Variants in KCNA10 observed in about 807,000 individuals in gnomAD.
The protein encoded by KCNA10 is cyclic GMP gated potassium channel.
Under a neutral mutation model 21.4 loss-of-function variants are expected in KCNA10, and 16 were observed. The ratio of observed to expected loss-of-function variants is 0.75; its 90% CI spans 0.51 to 1.14. The LOEUF (loss-of-function observed/expected upper bound fraction) is 1.14, where lower values mean the gene tolerates loss of function less well. KCNA10 is among the 50% of genes most tolerant of loss of function. The pLI is 0.00. For synonymous variants in KCNA10, 276 were observed against 245.9 expected, an observed-to-expected ratio of 1.12 and a Z score of -1.15; for missense variants, 677 against 649.1, an observed-to-expected ratio of 1.04 and a Z score of -0.47.
In KCNA10 at chr1:110,518,005, G is replaced by A. The variant is rs2101233941; in HGVS notation, c.783C>T (p.Val261=). ...RDPNLNMSKT[V]LSQTMFTDPF... is the part of the protein sequence containing the mutation. ...GGTCGGTGAACATGGTCTGGGAGAG[G>A]ACTGTCTTGCTCATGTTGAGATTGG... Residue 261 remains valine, a synonymous_variant, in exon 1 of 1, where the codon GTC becomes GTT. Transcript: ENST00000369771. 1 of 1,613,938 alleles carries A rather than the reference G, an allele frequency of 6.2e-7. No individual in the cohort carries two copies. The highest frequency in any genetic ancestry group is 2.2e-5 in the East Asian group (1 of 44,858).
rs552769559 is a variant in KCNA10, at chr1:110,517,319, C to T, written c.1469G>A (p.Arg490Lys). The T allele has an allele frequency of 1.6e-5, 26 of 1,614,204 alleles. No homozygotes were observed. The African/African-American group carries it at 2.4e-4, about 15-fold the overall frequency. ...IERILNSVGSRMGSTDSLNKT... is the reference protein window; with the variant it reads ...IERILNSVGSKMGSTDSLNKT... ...ATTAAGAGAGTCTGTGCTGCCCATT[C>T]TTGAGCCTACACTGTTGAGGATTCT... The change falls in exon 1 of 1, where the codon AGA (arginine) becomes AAA (lysine). Residue 490 changes from arginine (R) to lysine (K), a missense_variant. Coordinates refer to ENST00000369771, the MANE Select transcript of KCNA10 (RefSeq NM_005549.2).
chr1:110,518,104 G>T lies in KCNA10; in HGVS notation c.684C>A (p.Ile228=). ...TCTCCAGGCAGAAGATGGTGATGGA[G>T]ATGACCACAACCAACACCGAGACCA... ...VAVVSVLVVV[I]SITIFCLETL... The change falls in exon 1 of 1, where the codon ATC becomes ATA. Residue 228 remains isoleucine, a synonymous_variant. Coordinates refer to ENST00000369771, the MANE Select transcript of KCNA10 (RefSeq NM_005549.2). 6.2e-7 allele frequency: 1 copy of T among 1,613,796 alleles called. No individual in the cohort carries two copies. The highest frequency in any genetic ancestry group is 1.7e-5 in the Admixed American group (1 of 60,002).
Position 110,517,663 on chromosome 1 carries a change from C to T in KCNA10, c.1125G>A (p.Leu375=). ...GQTLKASMRE[L]GLLIFFLFIG... ...TGAAGAGAAAGAAGATGAGCAACCC[C>T]AACTCCCGCATGGACGCCTTCAGTG... The change falls in exon 1 of 1, where the codon TTG becomes TTA. Residue 375 remains leucine (L), a synonymous_variant. Transcript: ENST00000369771. 1 of 1,614,156 alleles carries T rather than the reference C, an allele frequency of 6.2e-7. No individual in the cohort carries two copies. The highest frequency in any genetic ancestry group is 8.5e-7 in the Non-Finnish European group (1 of 1,180,032).
chr1:110,517,826 G>A lies in KCNA10; in HGVS notation c.962C>T (p.Thr321Ile), dbSNP rs770577436. The change falls in exon 1 of 1, where the codon ACA becomes ATA. Residue 321 changes from threonine to isoleucine, a missense_variant. Coordinates refer to ENST00000369771, the MANE Select transcript of KCNA10 (RefSeq NM_005549.2). Reference protein sequence around the residue: ...SIIPYFATLITELVQETEPSA... With the variant: ...SIIPYFATLIIELVQETEPSA... ...CGGCTCTGTCTCCTGGACTAGCTCT[G>A]TGATGAGAGTTGCAAAGTAGGGGAT... 8.7e-6 allele frequency: 14 copies of A among 1,614,166 alleles called. No homozygotes were observed. Among genetic ancestry groups the A allele is most frequent in the Non-Finnish European group, 1.2e-5 (14 of 1,180,030 alleles).
In KCNA10 at chr1:110,518,845, C is replaced by T. The variant is rs1483569637; in HGVS notation, c.-58G>A. 12 of 1,346,196 alleles carry T rather than the reference C, an allele frequency of 8.9e-6. No homozygotes were observed. Among genetic ancestry groups the T allele is most frequent in the Non-Finnish European group, 1.2e-5 (12 of 998,196 alleles). 83.4% of individuals were successfully genotyped at this position (1,346,196 alleles called of 1,614,324 possible). On this transcript the variant is annotated 5_prime_UTR_variant, in exon 1 of 1. Coordinates refer to ENST00000369771, the MANE Select transcript of KCNA10 (RefSeq NM_005549.2). ...CTCAGCCTTCACTGCCTGCTGTGAG[C>T]TATGGAGAAGAAGAAGTTCATTATA...
At position 110,517,798 on chromosome 1, in the gene KCNA10, A is replaced by G; in HGVS notation, c.990T>C (p.Ser330=). The G allele has an allele frequency of 6.2e-7, 1 of 1,614,054 alleles. No individual in the cohort carries two copies. The highest frequency in any genetic ancestry group is 1.1e-5 in the South Asian group (1 of 91,062). The change falls in exon 1 of 1, where the codon AGT becomes AGC. Residue 330 remains serine (S), a synonymous_variant. Transcript: ENST00000369771. ...ITELVQETEP[S]AQQNMSLAIL... ...TGGCCAGGGACATGTTCTGTTGGGC[A>G]CTCGGCTCTGTCTCCTGGACTAGCT...
In KCNA10 at chr1:110,518,567, G is replaced by T. The variant is rs754168137; in HGVS notation, c.221C>A (p.Pro74Gln). The change falls in exon 1 of 1, where the codon CCA (proline) becomes CAA (glutamine). Residue 74 changes from proline (P) to glutamine (Q), a missense_variant. Physicochemically the swap from Pro to Gln is moderately conservative, Grantham distance 76. Coordinates refer to ENST00000369771, the MANE Select transcript of KCNA10 (RefSeq NM_005549.2). ...ATTTAGGACCACTGGCTCAGGCCCTGGGGGGTCAGCATAGTCTCCCGGAAG... is the reference window on the plus strand; with the variant it reads ...ATTTAGGACCACTGGCTCAGGCCCTTGGGGGTCAGCATAGTCTCCCGGAAG... The part of the protein sequence containing the change: ...SKLPGDYADP[P>Q]GPEPVVLNEG... The T allele has an allele frequency of 3.1e-6, 5 of 1,614,128 alleles. No individual in the cohort carries two copies. The highest frequency in any genetic ancestry group is 4.2e-6 in the Non-Finnish European group (5 of 1,180,016).
rs1488438379 is a variant in KCNA10 at position 110,518,033 on chromosome 1, T to G, written c.755A>C (p.Asp252Ala). ...TGTCTTGCTCATGTTGAGATTGGGG[T>G]CTCTGACCACCTTTAGCTCCCTATC... ...REDRELKVVR[D>A]PNLNMSKTVL... The change falls in exon 1 of 1, where the codon GAC becomes GCC. Residue 252 changes from aspartate (D) to alanine (A), a missense_variant. Asp to Ala is a moderately radical substitution (Grantham distance 126). Coordinates refer to ENST00000369771, the MANE Select transcript of KCNA10 (RefSeq NM_005549.2). 1 of 1,612,518 alleles carries G rather than the reference T, an allele frequency of 6.2e-7. No individual in the cohort carries two copies. Among genetic ancestry groups the G allele is most frequent in the African/African-American group, 1.3e-5 (1 of 74,358 alleles).
Position 110,517,763 on chromosome 1 carries a change from A to T in KCNA10, c.1025T>A (p.Ile342Asn), listed in dbSNP as rs1647259770. 3 of 1,614,108 alleles carry T rather than the reference A, an allele frequency of 1.9e-6. No individual in the cohort carries two copies. The highest frequency in any genetic ancestry group is 2.5e-6 in the Non-Finnish European group (3 of 1,180,020). ...GCGGAAGACCCTCACCAGGCGGATG[A>T]TCCTCAGGATGGCCAGGGACATGTT... ...QQNMSLAILR[I>N]IRLVRVFRIF... Residue 342 changes from isoleucine (I) to asparagine (N), a missense_variant, in exon 1 of 1, where the codon ATC becomes AAC. Transcript: ENST00000369771.
Position 110,517,284 on chromosome 1 carries a change from C to T in KCNA10, c.1504G>A (p.Gly502Ser). ...CTAGACTTCTCTGTGGAACAGCCAC[C>T]ATTGGTCTTATTAAGAGAGTCTGTG... ...GSTDSLNKTNGGCSTEKSRK is the reference protein window; with the variant it reads ...GSTDSLNKTNSGCSTEKSRK Residue 502 changes from glycine (G) to serine (S), a missense_variant, in exon 1 of 1, where the codon GGT (glycine) becomes AGT (serine). Physicochemically the swap from Gly to Ser is moderately conservative, Grantham distance 56. Coordinates refer to ENST00000369771, the MANE Select transcript of KCNA10 (RefSeq NM_005549.2). 3 of 1,614,006 alleles carry T rather than the reference C, an allele frequency of 1.9e-6. No homozygotes were observed. Among genetic ancestry groups the T allele is most frequent in the Non-Finnish European group, 2.5e-6 (3 of 1,179,952 alleles).
chr1:110,518,475 T>C lies in KCNA10; in HGVS notation c.313A>G (p.Ser105Gly). Residue 105 changes from serine to glycine, a missense_variant, in exon 1 of 1, where the codon AGT becomes GGT. By Grantham distance (56) the Ser-to-Gly change is moderately conservative. Coordinates refer to ENST00000369771, the MANE Select transcript of KCNA10 (RefSeq NM_005549.2). Reference protein sequence around the residue: ...LRFETQLRTLSQFPETLLGDR... With the variant: ...LRFETQLRTLGQFPETLLGDR... ...CCCAGGAGAGTCTCTGGGAACTGAC[T>C]AAGGGTTCTGAGCTGGGTCTCAAAT... 1 of 1,614,228 alleles carries C rather than the reference T, an allele frequency of 6.2e-7. No individual in the cohort carries two copies. Among genetic ancestry groups the C allele is most frequent in the South Asian group, 1.1e-5 (1 of 91,088 alleles).
Position 110,517,511 on chromosome 1 carries a change from T to A in KCNA10, c.1277A>T (p.Asp426Val). The change falls in exon 1 of 1, where the codon GAC becomes GTC. Residue 426 changes from aspartate (D) to valine (V), a missense_variant. Physicochemically the swap from Asp to Val is radical, Grantham distance 152. Transcript: ENST00000369771. The stretch of plus-strand genomic sequence containing the variant: ...CCCCCCTGGGGTGGTCGGGCACATG[T>A]CCCCATAGCCTACAGTTGTCATGGT... ...VVTMTTVGYG[D>V]MCPTTPGGKI... The A allele has an allele frequency of 1.2e-6, 2 of 1,614,086 alleles. No individual in the cohort carries two copies. The highest frequency in any genetic ancestry group is 1.7e-6 in the Non-Finnish European group (2 of 1,180,016).
rs746753120 is a variant in KCNA10 at position 110,518,398 on chromosome 1, G to A, written c.390C>T (p.Phe130=). ...CAAAACTGGGCCGGTTCCGATCAAA[G>A]AAATACTCATTTCTCATGGAGTCAA... ...QFFDSMRNEY[F]FDRNRPSFDG... Residue 130 remains phenylalanine (F), a synonymous_variant, in exon 1 of 1, where the codon TTC becomes TTT. Coordinates refer to ENST00000369771, the MANE Select transcript of KCNA10 (RefSeq NM_005549.2). 3 of 1,614,220 alleles carry A rather than the reference G, an allele frequency of 1.9e-6. No individual in the cohort carries two copies. The highest frequency in any genetic ancestry group is 1.7e-5 in the Admixed American group (1 of 60,030).
Position 110,518,064 on chromosome 1 carries a change from G to T in KCNA10, c.724C>A (p.Arg242=). The stretch of plus-strand genomic sequence containing the variant: ...ACCACCTTTAGCTCCCTATCCTCCC[G>T]GAACTCTGGCAGTGTCTCCAGGCAG... ...IFCLETLPEF[R]EDRELKVVRD... Residue 242 remains arginine, a synonymous_variant, in exon 1 of 1, where the codon CGG becomes AGG. Transcript: ENST00000369771. 2 of 1,613,736 alleles carry T rather than the reference G, an allele frequency of 1.2e-6. No individual in the cohort carries two copies. The highest frequency in any genetic ancestry group is 1.7e-6 in the Non-Finnish European group (2 of 1,179,938).
rs1647258735 is a variant in KCNA10, at chr1:110,517,700, A to T, written c.1088T>A (p.Ile363Asn). 1 of 1,614,048 alleles carries T rather than the reference A, an allele frequency of 6.2e-7. No individual in the cohort carries two copies. The highest frequency in any genetic ancestry group is 1.3e-5 in the African/African-American group (1 of 74,920). The change falls in exon 1 of 1, where the codon ATC becomes AAC. Residue 363 changes from isoleucine (I) to asparagine (N), a missense_variant. Physicochemically the swap from Ile to Asn is moderately radical, Grantham distance 149. Coordinates refer to ENST00000369771, the MANE Select transcript of KCNA10 (RefSeq NM_005549.2). Reference sequence around the variant, plus strand: ...GGACGCCTTCAGTGTTTGCCCGAGGATCTGCAGCCCCTTGGAGTGGCGCGA... The same window carrying T: ...GGACGCCTTCAGTGTTTGCCCGAGGTTCTGCAGCCCCTTGGAGTGGCGCGA... ...KLSRHSKGLQ[I>N]LGQTLKASMR...
rs1404119673 is a variant in KCNA10, at chr1:110,517,953, T to A, written c.835A>T (p.Ile279Phe). 1 of 1,613,754 alleles carries A rather than the reference T, an allele frequency of 6.2e-7. No homozygotes were observed. The highest frequency in any genetic ancestry group is 8.5e-7 in the Non-Finnish European group (1 of 1,179,986). The part of the protein sequence containing the change: ...DPFFMVESTC[I>F]VWFTFELVLR... ...ACCAGCTCGAAGGTGAACCACACGA[T>A]GCAGGTAGACTCCACCATGAAGAAA... The change falls in exon 1 of 1, where the codon ATC becomes TTC. Residue 279 changes from isoleucine (I) to phenylalanine (F), a missense_variant. By Grantham distance (21) the Ile-to-Phe change is conservative. Transcript: ENST00000369771.
At position 110,518,580 on chromosome 1, in the gene KCNA10, A is replaced by G; in HGVS notation, c.208T>C (p.Tyr70His). 6.2e-7 allele frequency: 1 copy of G among 1,614,108 alleles called. No homozygotes were observed. The highest frequency in any genetic ancestry group is 1.3e-5 in the African/African-American group (1 of 75,024). Residue 70 changes from tyrosine to histidine, a missense_variant, in exon 1 of 1, where the codon TAT (tyrosine) becomes CAT (histidine). Physicochemically the swap from Tyr to His is moderately conservative, Grantham distance 83. Transcript: ENST00000369771. ...ETAFSKLPGD[Y>H]ADPPGPEPVV... Reference sequence around the variant, plus strand: ...GGCTCAGGCCCTGGGGGGTCAGCATAGTCTCCCGGAAGCTTGGAGAAGGCC... The same window carrying G: ...GGCTCAGGCCCTGGGGGGTCAGCATGGTCTCCCGGAAGCTTGGAGAAGGCC...
Position 110,518,712 on chromosome 1 carries a change from G to A in KCNA10, c.76C>T (p.Pro26Ser), listed in dbSNP as rs1647298688. Reference sequence around the variant, plus strand: ...GAGTCGAAGTCTGTGGCATAGCCTGGCTCTTCTTGGATTTCATCTGAATTA... The same window carrying A: ...GAGTCGAAGTCTGTGGCATAGCCTGACTCTTCTTGGATTTCATCTGAATTA... ...FDNSDEIQEE[P>S]GYATDFDSTS... Residue 26 changes from proline to serine, a missense_variant, in exon 1 of 1, where the codon CCA becomes TCA. Physicochemically the swap from Pro to Ser is moderately conservative, Grantham distance 74. Transcript: ENST00000369771. The A allele has an allele frequency of 1.9e-6, 3 of 1,613,016 alleles. No homozygotes were observed. The highest frequency in any genetic ancestry group is 2.7e-5 in the African/African-American group (2 of 74,858).
At position 110,518,643 on chromosome 1, in the gene KCNA10, C is replaced by T. The variant is rs376350378; in HGVS notation, c.145G>A (p.Gly49Arg). 8.1e-6 allele frequency: 13 copies of T among 1,614,046 alleles called. No homozygotes were observed. The highest frequency in any genetic ancestry group is 1.3e-5 in the African/African-American group (1 of 74,918). The change falls in exon 1 of 1, where the codon GGG becomes AGG. Residue 49 changes from glycine to arginine, a missense_variant. Transcript: ENST00000369771. The part of the protein sequence containing the change: ...GRPGGSSFSN[G>R]KILISESTNH... ...GTGCTTTCGCTGATGAGGATCTTCC[C>T]GTTGGAGAAGGAGCTGCCCCCAGGC...
Sources: gnomAD v4.1 joint callset for allele counts on GRCh38, gnomAD v4.1.1 for gene constraint, MANE v1.5 for transcripts, NCBI Gene and HGNC (gene_info 2026-07-23, HGNC 2026-07-21) for gene names.